The following NCAM1 variants were observed in gnomAD, a reference collection of about 807,000 sequenced individuals.
NCAM1 encodes the protein neural cell adhesion molecule 1, also known as antigen recognized by monoclonal antibody 5.1H11.
In NCAM1, 14 loss-of-function variants were observed where a neutral mutation model predicts 109.8. The observed-to-expected ratio is 0.13, with a 90% CI of 0.08 to 0.20. NCAM1 has a LOEUF of 0.20. Among genes scored for constraint, NCAM1 ranks in the 10% least tolerant of loss-of-function variants. NCAM1 has a pLI of 1.00. For synonymous variants in NCAM1, 418 were observed against 442.9 expected (o/e 0.94, Z 0.70); for missense variants, 774 against 1,109.9 (o/e 0.70, Z 4.30).
chr11:113,141,737 C>T (rs931757742), intron 1 of NCAM1, among the ~76,000 whole-genome samples: 3 of 152,034 alleles, frequency 2.0e-5, no homozygotes, highest in Non-Finnish European at 4.4e-5. Context: ...CTTCCCACAA[C>T]GTAGTGAGCC....
At chr11:113,088,730 T>G (rs1591314649) in intron 1 of NCAM1, among the ~76,000 whole-genome samples, 1 of 152,066 alleles carries the variant, frequency 6.6e-6, no homozygotes, top group South Asian at 2.1e-4. Flanking sequence ...CTCTCACTCC[T>G]TTTTTTCTAG....
intron 1 of NCAM1, among the ~76,000 whole-genome samples, chr11:113,122,771 C>T (rs182041122): frequency 2.6e-4 from 40 of 152,160 alleles, no homozygotes; most frequent in East Asian, 7.7e-4. Flanking sequence ...GCAACAAGAG[C>T]GAAACTCCGT....
chr11:113,259,813 C>T (rs923977967), intron 16 of NCAM1, among the ~76,000 whole-genome samples: 1 of 149,890 alleles, frequency 6.7e-6, no homozygotes, highest in Admixed American at 6.7e-5. Context: ...AAGCCATTCT[C>T]TTGCCTCAGC....
rs530727512 is a variant in NCAM1, at chr11:113,127,965, G to T, written c.53-74414G>T. ...GGGAGGGCGGCTGCTTATCACATGG[G>T]GCGTGGCTGAGTAATCATTTTGACC... On this transcript the variant is annotated intron_variant, in intron 1 of 19. Transcript: ENST00000316851. Among the ~76,000 whole-genome samples, 198 of 152,270 alleles carry T rather than the reference G, an allele frequency of 1.3e-3. 4 individuals carry two copies. In the South Asian group the frequency reaches 0.039, roughly 30 times the overall value.
intron 1 of NCAM1, among the ~76,000 whole-genome samples, chr11:113,059,791 A>G (rs2135474737): frequency 6.6e-6 from 1 of 152,358 alleles, no homozygotes; most frequent in African/African-American, 2.4e-5. Flanking sequence ...ACCTTTGGAA[A>G]GTATGACTTG....
intron 1 of NCAM1, among the ~76,000 whole-genome samples, chr11:113,112,760 T>A (rs1034136889): frequency 7.2e-5 from 11 of 152,188 alleles, no homozygotes; most frequent in African/African-American, 1.2e-4. Flanking sequence ...GGATTTTTTT[T>A]AAGTACATAT....
At chr11:113,228,615 G>A (rs546734758) in intron 9 of NCAM1, among the ~76,000 whole-genome samples, 2,025 of 152,236 alleles carry the variant, frequency 0.013, 32 homozygotes, top group African/African-American at 0.04. Context: ...AAAAGAGCCC[G>A]CATCACCAAG....
chr11:113,006,637 T>C (rs1268824906), intron 1 of NCAM1, among the ~76,000 whole-genome samples: 1 of 152,182 alleles, frequency 6.6e-6, no homozygotes, highest in African/African-American at 2.4e-5. Context: ...TTTTGATCAG[T>C]GTCAATTATG....
intron 14 of NCAM1, among the ~76,000 whole-genome samples, chr11:113,245,807 G>C (rs1945483184): frequency 6.6e-6 from 1 of 152,030 alleles, no homozygotes; most frequent in South Asian, 2.1e-4. Context: ...GTTCTTCTAG[G>C]GCACACAGTC....
At chr11:113,104,811 C>G (rs1394492610) in intron 1 of NCAM1, among the ~76,000 whole-genome samples, 3 of 152,170 alleles carry the variant, frequency 2.0e-5, no homozygotes, top group African/African-American at 2.4e-5. Flanking sequence ...ACCTCTTTGG[C>G]TAGCACTTCA....
chr11:113,070,636 T>G (rs1938218111), intron 1 of NCAM1, among the ~76,000 whole-genome samples: 1 of 152,046 alleles, frequency 6.6e-6, no homozygotes, highest in Admixed American at 6.5e-5. Flanking sequence ...AAGTATGGCT[T>G]TTGCTTTTTC....
At chr11:113,014,791 C>A (rs573831594) in intron 1 of NCAM1, among the ~76,000 whole-genome samples, 1 of 152,194 alleles carries the variant, frequency 6.6e-6, no homozygotes, top group African/African-American at 2.4e-5. Flanking sequence ...ACAGCTGAGA[C>A]GTTAAGTGAA....
chr11:113,181,434 G>T (rs184763158), intron 1 of NCAM1, among the ~76,000 whole-genome samples: 2 of 152,166 alleles, frequency 1.3e-5, no homozygotes, highest in Admixed American at 1.3e-4. Context: ...ACCAAACACC[G>T]CTTGTTCTAC....
intron 14 of NCAM1, among the ~76,000 whole-genome samples, chr11:113,241,501 T>G (rs942951507): frequency 2.0e-5 from 3 of 152,174 alleles, no homozygotes; most frequent in Admixed American, 6.5e-5. Flanking sequence ...ACAAACATTT[T>G]CATGTTTATC....
At chr11:113,196,755 C>A (rs1943866975) in intron 1 of NCAM1, among the ~76,000 whole-genome samples, 1 of 152,200 alleles carries the variant, frequency 6.6e-6, no homozygotes, top group Non-Finnish European at 1.5e-5. Context: ...AACCACCCTG[C>A]AATGTGACCA....
chr11:113,260,863 C>A (rs1945972114), intron 17 of NCAM1, among the ~76,000 whole-genome samples: 2 of 152,158 alleles, frequency 1.3e-5, no homozygotes, highest in Admixed American at 1.3e-4. Context: ...TAAATTGAAC[C>A]ACTTGTAATA....
chr11:113,263,046 G>GTGGAAGAGAAGGTTTTGTGAT (rs1946052803), intron 17 of NCAM1: 1 of 1,462,322 alleles, frequency 6.8e-7, no homozygotes, highest in Admixed American at 2.4e-5. Context: ...ACCATTCTGT[G>GTGGAAGAGAAGGTTTTGTGAT]TGGAAGAGAA....
In NCAM1 at chr11:113,054,740, A is replaced by AT. The variant is rs200744368; in HGVS notation, c.52+93085dup. Reference sequence around the variant, plus strand: ...TGTTTTTGATGGAAAGTCAGAAGTCATTTTTTTTTCTTTTTCCCTTATCTA... The same window carrying AT: ...TGTTTTTGATGGAAAGTCAGAAGTCATTTTTTTTTTCTTTTTCCCTTATCTA... On this transcript the variant is annotated intron_variant, in intron 1 of 19. Coordinates refer to ENST00000316851, the MANE Select transcript of NCAM1 (RefSeq NM_181351.5). 2.0e-3 allele frequency among the ~76,000 whole-genome samples: 299 copies of AT among 150,836 alleles called. 4 individuals carry two copies. Among genetic ancestry groups the AT allele is most frequent in the Admixed American group, 0.016 (237 of 15,098 alleles).
chr11:113,121,998 G>A (rs891782253), intron 1 of NCAM1, among the ~76,000 whole-genome samples: 1 of 152,184 alleles, frequency 6.6e-6, no homozygotes, highest in Non-Finnish European at 1.5e-5. Flanking sequence ...ATAAGGCTCG[G>A]TGTGGATGGA....
Sources: gnomAD v4.1 joint callset for allele counts (sites outside exome capture counted in the v4.1 genomes callset) on GRCh38, gnomAD v4.1.1 for gene constraint, MANE v1.5 for transcripts, NCBI Gene and HGNC (gene_info 2026-07-23, HGNC 2026-07-21) for gene names.